GABRB3: variants seen among roughly 807,000 people sequenced by gnomAD.
The protein encoded by GABRB3 is gamma-aminobutyric acid receptor subunit beta-3.
In GABRB3, 14 loss-of-function variants were observed where a neutral mutation model predicts 52.1. The ratio of observed to expected loss-of-function variants is 0.27; its 90% CI spans 0.18 to 0.42. The LOEUF (loss-of-function observed/expected upper bound fraction) is 0.42, where lower values mean the gene tolerates loss of function less well. Among genes scored for constraint, GABRB3 ranks in the 10% least tolerant of loss-of-function variants. The pLI, the probability that GABRB3 is intolerant of heterozygous loss-of-function variation, is 1.00. For missense variants in GABRB3, 307 were observed against 609.1 expected (o/e 0.50, Z 5.22); for synonymous variants, 260 against 232.3 (o/e 1.12, Z -1.08).
chr15:26,709,495 C>CTCTTTTCTTTT (rs1889216325), intron 3 of GABRB3, among the ~76,000 whole-genome samples: 1 of 148,092 alleles, frequency 6.8e-6, no homozygotes, highest in Admixed American at 6.9e-5. Flanking sequence ...CCACGTAAAC[C>CTCTTTTCTTTT]TCTTTTCTTT....
At chr15:26,761,409 A>G (rs754850138) in intron 3 of GABRB3, among the ~76,000 whole-genome samples, 1 of 151,722 alleles carries the variant, frequency 6.6e-6, no homozygotes, top group Non-Finnish European at 1.5e-5. Flanking sequence ...AAAAAAATAC[A>G]ATATTAGTCA....
intron 3 of GABRB3, among the ~76,000 whole-genome samples, chr15:26,738,148 C>T (rs1397780663): frequency 5.9e-5 from 9 of 151,982 alleles, no homozygotes; most frequent in African/African-American, 9.7e-5. Context: ...AATGGTGTGA[C>T]CTCGGCTCAC....
intron 4 of GABRB3, chr15:26,615,247 T>A (rs964972839): frequency 1.2e-4 from 118 of 979,964 alleles, no homozygotes; most frequent in Non-Finnish European, 1.4e-4. Context: ...AGTCTCTTAG[T>A]CAGCCAAGAT....
intron 3 of GABRB3, among the ~76,000 whole-genome samples, chr15:26,739,473 G>A (rs564525134): frequency 6.6e-6 from 1 of 152,242 alleles, no homozygotes; most frequent in South Asian, 2.1e-4. Flanking sequence ...GAAGGGATCA[G>A]CAGGTGTTCA....
intron 8 of GABRB3, among the ~76,000 whole-genome samples, chr15:26,558,308 A>C (rs968420375): frequency 2.6e-5 from 4 of 152,194 alleles, no homozygotes; most frequent in Admixed American, 2.6e-4. Context: ...GAAAGGAAGG[A>C]GCCATTTACA....
At chr15:26,612,288 A>C (rs1595481894) in intron 4 of GABRB3, 1 of 152,356 alleles carries the variant, frequency 6.6e-6, no homozygotes. Flanking sequence ...ATTGAAAATG[A>C]AGATTAAAAA....
intron 7 of GABRB3, among the ~76,000 whole-genome samples, chr15:26,561,675 A>G (rs1656662875): frequency 6.6e-6 from 1 of 152,224 alleles, no homozygotes; most frequent in Non-Finnish European, 1.5e-5. Flanking sequence ...GTGAGAAGAA[A>G]ATAATTCCTA....
intron 4 of GABRB3, among the ~76,000 whole-genome samples, chr15:26,611,235 C>T (rs1892058495): frequency 6.6e-6 from 1 of 152,050 alleles, no homozygotes; most frequent in Admixed American, 6.6e-5. Flanking sequence ...TAGAATAAAT[C>T]CTTGTAGGTG....
At chr15:26,727,760 C>A (rs1304804153) in intron 3 of GABRB3, among the ~76,000 whole-genome samples, 2 of 152,198 alleles carry the variant, frequency 1.3e-5, no homozygotes, top group Non-Finnish European at 2.9e-5. Context: ...GCATATATAT[C>A]ATGACCTCAT....
At chr15:26,647,470 A>G (rs368859084) in intron 3 of GABRB3, among the ~76,000 whole-genome samples, 1 of 152,090 alleles carries the variant, frequency 6.6e-6, no homozygotes, top group African/African-American at 2.4e-5. Context: ...TTTTCTGTAA[A>G]TGTTTCATGG....
intron 7 of GABRB3, among the ~76,000 whole-genome samples, chr15:26,562,304 T>G (rs1380694801): frequency 6.6e-6 from 1 of 152,248 alleles, no homozygotes; most frequent in Non-Finnish European, 1.5e-5. Flanking sequence ...CTTTGAGGGC[T>G]GAGCTCTTTT....
intron 3 of GABRB3, among the ~76,000 whole-genome samples, chr15:26,668,676 T>G (rs1391266869): frequency 2.0e-5 from 3 of 152,208 alleles, no homozygotes; most frequent in African/African-American, 7.2e-5. Context: ...AAATAATACA[T>G]AGCTAAGATT....
At chr15:26,736,647 T>C (rs1057148806) in intron 3 of GABRB3, among the ~76,000 whole-genome samples, 10 of 152,174 alleles carry the variant, frequency 6.6e-5, no homozygotes, top group Admixed American at 5.2e-4. Context: ...CCAACTTCCA[T>C]AGGGTGGGGT....
intron 3 of GABRB3, among the ~76,000 whole-genome samples, chr15:26,738,409 C>T (rs574467035): frequency 5.9e-5 from 9 of 152,256 alleles, no homozygotes; most frequent in Admixed American, 5.9e-4. Flanking sequence ...ACAAAAAGGA[C>T]GGATTTCTCT....
chr15:26,729,154 G>A (rs945214463), intron 3 of GABRB3, among the ~76,000 whole-genome samples: 1 of 151,960 alleles, frequency 6.6e-6, no homozygotes, highest in African/African-American at 2.4e-5. Flanking sequence ...GCAGGAAAGA[G>A]GTCTGGGCAA....
Position 26,621,235 on chromosome 15 carries a change from A to T in GABRB3, c.461+79T>A. 9.0e-7 allele frequency: 1 copy of T among 1,107,100 alleles called. No homozygotes were observed. Among genetic ancestry groups the T allele is most frequent in the Non-Finnish European group, 1.4e-6 (1 of 718,908 alleles). 68.6% of individuals were successfully genotyped at this position (1,107,100 alleles called of 1,614,324 possible). ...TTTATCTGAGGTCATTGCCTCACTTACAATAATCATCTCAAGTGAGATATT... is the reference window on the plus strand; with the variant it reads ...TTTATCTGAGGTCATTGCCTCACTTTCAATAATCATCTCAAGTGAGATATT... On this transcript the variant is annotated intron_variant, in intron 4 of 8. Coordinates refer to ENST00000311550, the MANE Select transcript of GABRB3 (RefSeq NM_000814.6). The surrounding 1 kb of genome is among the most constrained non-coding windows in gnomAD (Gnocchi z 4.1).
intron 3 of GABRB3, among the ~76,000 whole-genome samples, chr15:26,752,214 C>T (rs868241257): frequency 8.0e-5 from 12 of 150,904 alleles, no homozygotes; most frequent in Admixed American, 2.0e-4. Context: ...CAGAATTGAT[C>T]GCTTGCTCTC....
chr15:26,625,795 A>T (rs1467706852), intron 3 of GABRB3, among the ~76,000 whole-genome samples: 3 of 152,098 alleles, frequency 2.0e-5, no homozygotes, highest in Non-Finnish European at 2.9e-5. Context: ...CTGGCTGACA[A>T]GGGGCTGGGG....
Position 26,548,144 on chromosome 15 carries a change from CG to C in GABRB3, c.1081-11del. On this transcript the variant is annotated splice_polypyrimidine_tract_variant and intron_variant, in intron 8 of 8. Transcript: ENST00000311550. ...TTCCATGAGCATCCACCTAATTGGA[CG>C]GAAAATGCACATGGTTAGACAGCCA... 1 of 1,607,870 alleles carries C rather than the reference CG, an allele frequency of 6.2e-7. No individual in the cohort carries two copies. The highest frequency in any genetic ancestry group is 8.5e-7 in the Non-Finnish European group (1 of 1,174,440).
Sources: gnomAD v4.1 joint callset for allele counts (sites outside exome capture counted in the v4.1 genomes callset) on GRCh38, gnomAD v4.1.1 for gene constraint, Gnocchi (gnomAD v3.1) non-coding constraint, MANE v1.5 for transcripts, NCBI Gene and HGNC (gene_info 2026-07-23, HGNC 2026-07-21) for gene names.